Variants in PIK3CB observed in about 807,000 individuals in gnomAD.
PIK3CB encodes phosphatidylinositol-4,5-bisphosphate 3-kinase catalytic subunit beta.
PIK3CB carries 39 observed loss-of-function variants against 136.8 expected under a neutral mutation model. That is an observed-to-expected ratio of 0.29 (90% CI 0.22 to 0.37). The LOEUF is 0.37. PIK3CB is among the 10% of genes least tolerant of loss of function. PIK3CB has a pLI of 1.00. For missense variants in PIK3CB, 868 were observed against 1,275.4 expected, an observed-to-expected ratio of 0.68 and a Z score of 4.87; for synonymous variants, 428 against 436.6, an observed-to-expected ratio of 0.98 and a Z score of 0.25.
intron 8 of PIK3CB, among the ~76,000 whole-genome samples, chr3:138,720,506 T>G (rs1234651381): frequency 6.6e-6 from 1 of 152,218 alleles, no homozygotes; most frequent in Non-Finnish European, 1.5e-5. Context: ...CCTAATCACC[T>G]GCCTCCTCTC....
chr3:138,680,345 G>A (rs928316639), intron 19 of PIK3CB, among the ~76,000 whole-genome samples: 25 of 150,720 alleles, frequency 1.7e-4, no homozygotes, highest in African/African-American at 5.1e-4. Context: ...GTGACAGAGC[G>A]AGACTGTCTC....
intron 13 of PIK3CB, among the ~76,000 whole-genome samples, chr3:138,697,164 T>C (rs757848900): frequency 6.6e-6 from 1 of 152,226 alleles, no homozygotes; most frequent in Non-Finnish European, 1.5e-5. Flanking sequence ...TTCTTAGATA[T>C]GTACTCAGCA....
rs1223554783 is a variant in PIK3CB at position 138,815,953 on chromosome 3, T to TCA, written c.-122+18740_-122+18741dup. Among the ~76,000 whole-genome samples the TCA allele has an allele frequency of 1.1e-4, 16 of 152,118 alleles. No homozygotes were observed. The South Asian group carries it at 2.1e-3, about 20-fold the overall frequency. On this transcript the variant is annotated intron_variant, in intron 1 of 23. Transcript: ENST00000674063. ...GCTCCTCTTTTTAGGTATTTTTCAC[T>TCA]CACACACACACACTCAGTGATAATC...
chr3:138,661,764 C>T (rs2043299490), intron 21 of PIK3CB, among the ~76,000 whole-genome samples: 2 of 152,278 alleles, frequency 1.3e-5, no homozygotes, highest in South Asian at 4.1e-4. Flanking sequence ...AACTGTGGGT[C>T]CCTCATAGAA....
intron 2 of PIK3CB, among the ~76,000 whole-genome samples, chr3:138,765,600 T>G (rs983393377): frequency 3.3e-5 from 5 of 149,702 alleles, no homozygotes; most frequent in African/African-American, 1.2e-4. Context: ...CCCAGCACTT[T>G]GGGAGGCTGA....
intron 1 of PIK3CB, among the ~76,000 whole-genome samples, chr3:138,831,546 T>C (rs974206335): frequency 1.3e-5 from 2 of 151,512 alleles, no homozygotes; most frequent in African/African-American, 4.8e-5. Flanking sequence ...AGATTGCACA[T>C]TGCACTCCAG....
intron 13 of PIK3CB, among the ~76,000 whole-genome samples, chr3:138,698,670 A>T (rs1044278587): frequency 6.6e-6 from 1 of 152,204 alleles, no homozygotes; most frequent in African/African-American, 2.4e-5. Flanking sequence ...TTGTCCCAAG[A>T]TCAATGTTTC....
At chr3:138,828,761 C>T (rs1368629849) in intron 1 of PIK3CB, among the ~76,000 whole-genome samples, 1 of 151,640 alleles carries the variant, frequency 6.6e-6, no homozygotes, top group African/African-American at 2.4e-5. Context: ...ATAAGGAGAC[C>T]CCGCCTCTAA....
intron 2 of PIK3CB, among the ~76,000 whole-genome samples, chr3:138,767,495 T>G (rs2045747646): frequency 6.6e-6 from 1 of 152,206 alleles, no homozygotes. Context: ...GAAACATCTG[T>G]GGCCAGTGGC....
chr3:138,694,386 T>TG (rs1280781608), intron 14 of PIK3CB, among the ~76,000 whole-genome samples: 1 of 152,176 alleles, frequency 6.6e-6, no homozygotes, highest in African/African-American at 2.4e-5. Context: ...TAAAAGTGTT[T>TG]GGGGTGACTT....
At chr3:138,729,861 GCT>G (rs1173023412) in intron 8 of PIK3CB, among the ~76,000 whole-genome samples, 2 of 151,950 alleles carry the variant, frequency 1.3e-5, no homozygotes, top group African/African-American at 2.4e-5. Flanking sequence ...TATCCTATTG[GCT>G]CTGTTTCTCT....
At chr3:138,802,798 T>C (rs938178438) in intron 1 of PIK3CB, among the ~76,000 whole-genome samples, 2 of 152,318 alleles carry the variant, frequency 1.3e-5, no homozygotes, top group Non-Finnish European at 2.9e-5. Context: ...CCATGAGCCA[T>C]GAATCTTCTT....
intron 1 of PIK3CB, among the ~76,000 whole-genome samples, chr3:138,824,387 T>C (rs543835503): frequency 2.0e-5 from 3 of 152,174 alleles, no homozygotes; most frequent in South Asian, 2.1e-4. Flanking sequence ...TACTATAATA[T>C]AGGAGATGAC....
In PIK3CB at chr3:138,712,300, TA is replaced by T; in HGVS notation, c.1306del (p.Tyr436IlefsTer3). 1 of 1,509,650 alleles carries T rather than the reference TA, an allele frequency of 6.6e-7. No individual in the cohort carries two copies. Among genetic ancestry groups the T allele is most frequent in the Non-Finnish European group, 9.0e-7 (1 of 1,109,934 alleles). 93.5% of individuals were successfully genotyped at this position (1,509,650 alleles called of 1,614,324 possible). ...QTIRKAGKVH[Y>X]PVAWVNTMVF... ...CATCGTATTTACCCACGCTACAGGATAATGCTGTTGAAAAAGATACCATTGC... is the reference window on the plus strand; with the variant it reads ...CATCGTATTTACCCACGCTACAGGATATGCTGTTGAAAAAGATACCATTGC... On this transcript the variant is annotated frameshift_variant, in exon 10 of 24. Coordinates refer to ENST00000674063, the MANE Select transcript of PIK3CB (RefSeq NM_006219.3). LOFTEE classifies it high-confidence loss of function.
chr3:138,815,139 C>CAAAAAAAA (rs71637082), intron 1 of PIK3CB, among the ~76,000 whole-genome samples: 6 of 38,148 alleles, frequency 1.6e-4, no homozygotes, highest in Non-Finnish European at 2.1e-4. Context: ...GACTCCGTCT[C>CAAAAAAAA]AAAAAAAAAA....
chr3:138,834,390 G>A (rs991773494), intron 1 of PIK3CB, among the ~76,000 whole-genome samples: 1 of 152,186 alleles, frequency 6.6e-6, no homozygotes, highest in African/African-American at 2.4e-5. Flanking sequence ...CGCCCCTCAG[G>A]AACGGGACCC....
chr3:138,747,831 C>CACAGTTCAA (rs1284481282), intron 4 of PIK3CB, among the ~76,000 whole-genome samples: 1 of 152,134 alleles, frequency 6.6e-6, no homozygotes, highest in Non-Finnish European at 1.5e-5. Context: ...AGTGGCCCTG[C>CACAGTTCAA]ACAGTTCAAA....
intron 6 of PIK3CB, among the ~76,000 whole-genome samples, chr3:138,735,423 T>C (rs1233198788): frequency 2.6e-5 from 4 of 152,218 alleles, no homozygotes; most frequent in Non-Finnish European, 5.9e-5. Flanking sequence ...ACCTAGTATC[T>C]GTAAAACCTA....
chr3:138,771,640 A>G (rs544924489), intron 2 of PIK3CB, among the ~76,000 whole-genome samples: 73 of 152,332 alleles, frequency 4.8e-4, no homozygotes, highest in Middle Eastern at 3.4e-3. Context: ...ATATCATATC[A>G]TTTATAATAA....
Sources: allele counts gnomAD v4.1 joint callset (sites outside exome capture counted in the v4.1 genomes callset), GRCh38; gene constraint gnomAD v4.1.1; transcripts MANE v1.5; gene names NCBI Gene and HGNC (gene_info 2026-07-23, HGNC 2026-07-21).